The following ASCC3 variants were observed in gnomAD, a reference collection of about 807,000 sequenced individuals.
ASCC3 encodes the protein activating signal cointegrator 1 complex subunit 3.
Under a neutral mutation model 256.3 loss-of-function variants are expected in ASCC3, and 158 were observed. The observed-to-expected ratio is 0.62, with a 90% CI of 0.54 to 0.70. ASCC3 has a LOEUF of 0.70. Among genes scored for constraint, ASCC3 ranks in the 30% least tolerant of loss-of-function variants. ASCC3 has a pLI of 0.00. For missense variants in ASCC3, 2,259 were observed against 2,626.0 expected, an observed-to-expected ratio of 0.86 and a Z score of 3.05; for synonymous variants, 948 against 883.4, an observed-to-expected ratio of 1.07 and a Z score of -1.30.
At position 100,857,881 on chromosome 6, in the gene ASCC3, T is replaced by TACACACACACGCACACATAC. The variant is rs1554247646; in HGVS notation, c.241+6182_241+6183insGTATGTGTGCGTGTGTGTGT. 254 of 149,066 alleles carry TACACACACACGCACACATAC rather than the reference T, an allele frequency of 1.7e-3. 1 individual carries two copies. The highest frequency in any genetic ancestry group is 6.0e-3 in the African/African-American group (244 of 40,674). 9.2% of individuals were successfully genotyped at this position (149,066 alleles called of 1,614,324 possible). A position where few individuals can be genotyped will look rare whatever the true frequency, so the allele number is the denominator to read the frequency against. On this transcript the variant is annotated intron_variant, in intron 3 of 41. Coordinates refer to ENST00000369162, the MANE Select transcript of ASCC3 (RefSeq NM_006828.4). ...ATTTCCACACACACACATGCACACATACACACACACACACACACACACCCT... is the reference window on the plus strand; with the variant it reads ...ATTTCCACACACACACATGCACACATACACACACACGCACACATACACACACACACACACACACACACCCT...
rs1387509283 is a variant in ASCC3 at position 100,848,316 on chromosome 6, T to C, written c.633A>G (p.Glu211=). 6.2e-7 allele frequency: 1 copy of C among 1,613,980 alleles called. No individual in the cohort carries two copies. The highest frequency in any genetic ancestry group is 8.5e-7 in the Non-Finnish European group (1 of 1,180,018). The change falls in exon 4 of 42, where the codon GAA becomes GAG. Residue 211 remains glutamate, a synonymous_variant. Coordinates refer to ENST00000369162, the MANE Select transcript of ASCC3 (RefSeq NM_006828.4). ...CATTTGTTTTTTCCACAGGCTTGAG[T>C]TCTGGGGTGCAAGCCTCCTGGAGAT... The part of the protein sequence containing the change: ...NEHLQEACTP[E]LKPVEKTNGS...
chr6:100,590,082 ATTAT>A (rs1258650685), intron 34 of ASCC3, 23 bp from the exon 35 acceptor site: 11 of 1,533,844 alleles, frequency 7.2e-6, no homozygotes, highest in Non-Finnish European at 9.9e-6. Flanking sequence ...CAAGGTTATT[ATTAT>A]TTGTTTCAAG....
At chr6:100,846,139 A>G (rs996456446) in intron 4 of ASCC3, among the ~76,000 whole-genome samples, 2 of 75,936 alleles carry the variant, frequency 2.6e-5, no homozygotes, top group Non-Finnish European at 5.8e-5. Context: ...GACAACACAT[A>G]AGGTATAGCA....
At chr6:100,736,920 G>A (rs1780197866) in intron 10 of ASCC3, among the ~76,000 whole-genome samples, 1 of 152,208 alleles carries the variant, frequency 6.6e-6, no homozygotes. Flanking sequence ...GGCTGAGGCA[G>A]GCAGACTGCT....
chr6:100,828,872 C>T (rs1771470584), intron 4 of ASCC3, among the ~76,000 whole-genome samples: 1 of 152,076 alleles, frequency 6.6e-6, no homozygotes, highest in Non-Finnish European at 1.5e-5. Context: ...CTAGCTCCAG[C>T]AGCCTGCTTT....
intron 8 of ASCC3, among the ~76,000 whole-genome samples, chr6:100,772,147 C>T (rs1296243495): frequency 3.9e-5 from 6 of 152,102 alleles, no homozygotes; most frequent in Admixed American, 3.3e-4. Flanking sequence ...TCCCAAAGTG[C>T]TGGGATTACA....
intron 3 of ASCC3, among the ~76,000 whole-genome samples, chr6:100,853,853 T>C (rs1460995378): frequency 6.6e-6 from 1 of 152,200 alleles, no homozygotes; most frequent in African/African-American, 2.4e-5. Flanking sequence ...ATCTGGCAAG[T>C]ATGATGATGT....
At chr6:100,757,050 A>G (rs2115106715) in intron 10 of ASCC3, among the ~76,000 whole-genome samples, 1 of 152,310 alleles carries the variant, frequency 6.6e-6, no homozygotes, top group South Asian at 2.1e-4. Context: ...CATACTTCTA[A>G]TAAAAACCCA....
At position 100,509,850 on chromosome 6, in the gene ASCC3, T is replaced by G. The variant is rs1773670490; in HGVS notation, c.6461+82A>C. 16 of 1,392,528 alleles carry G rather than the reference T, an allele frequency of 1.1e-5. No homozygotes were observed. In the South Asian group the frequency reaches 1.9e-4, roughly 17 times the overall value. 86.3% of individuals were successfully genotyped at this position (1,392,528 alleles called of 1,614,324 possible). Reference sequence around the variant, plus strand: ...TTGCAGTGAGCAGAGATCGCGCCACTGCACTCCAGCCTGGGCGACAGAGCG... The same window carrying G: ...TTGCAGTGAGCAGAGATCGCGCCACGGCACTCCAGCCTGGGCGACAGAGCG... On this transcript the variant is annotated intron_variant, in intron 41 of 41. Transcript: ENST00000369162.
In ASCC3 at chr6:100,614,731, A is replaced by G. The variant is rs141385688; in HGVS notation, c.4786-7643T>C. On this transcript the variant is annotated intron_variant, in intron 30 of 41. Transcript: ENST00000369162. ...TTAATCAGGCTTAAGGGTGAGCCCC[A>G]GTGTTTTAGACTACATGCAGAAAAC... 1.2e-3 allele frequency among the ~76,000 whole-genome samples: 176 copies of G among 152,320 alleles called. 2 individuals are homozygous for G. Among genetic ancestry groups the G allele is most frequent in the African/African-American group, 4.0e-3 (166 of 41,580 alleles).
intron 10 of ASCC3, among the ~76,000 whole-genome samples, chr6:100,749,357 A>T (rs1303013880): frequency 1.3e-5 from 2 of 151,958 alleles, no homozygotes; most frequent in African/African-American, 4.8e-5. Flanking sequence ...TATACAATCA[A>T]CTTTCATTTT....
At chr6:100,723,810 G>T (rs928985093) in intron 11 of ASCC3, among the ~76,000 whole-genome samples, 9 of 145,540 alleles carry the variant, frequency 6.2e-5, no homozygotes, top group Non-Finnish European at 1.1e-4. Flanking sequence ...TGGGATATCA[G>T]AGTAGAAATA....
chr6:100,852,599 T>C (rs913844812), intron 3 of ASCC3, among the ~76,000 whole-genome samples: 7 of 152,238 alleles, frequency 4.6e-5, no homozygotes, highest in Non-Finnish European at 7.3e-5. Flanking sequence ...GTCTGCTTCA[T>C]ATCACTCACT....
intron 13 of ASCC3, among the ~76,000 whole-genome samples, chr6:100,708,974 G>C (rs1002873369): frequency 4.4e-4 from 66 of 151,284 alleles, no homozygotes; most frequent in Admixed American, 4.3e-3. Context: ...AACTTCACTG[G>C]TATGACATCA....
In ASCC3 at chr6:100,533,214, A is replaced by C. The variant is rs180977577; in HGVS notation, c.5775+6949T>G. On this transcript the variant is annotated intron_variant, in intron 37 of 41. Coordinates refer to ENST00000369162, the MANE Select transcript of ASCC3 (RefSeq NM_006828.4). ...ATATATTTTTCTTTTTAAATGCAAA[A>C]CCTTTTCAACAGAATAGTGTTTGTC... 8.7e-3 allele frequency among the ~76,000 whole-genome samples: 1,325 copies of C among 152,114 alleles called. 13 individuals carry two copies. Among genetic ancestry groups the C allele is most frequent in the Non-Finnish European group, 0.013 (875 of 67,978 alleles).
At chr6:100,840,183 C>T (rs148242040) in intron 4 of ASCC3, among the ~76,000 whole-genome samples, 138 of 152,208 alleles carry the variant, frequency 9.1e-4, no homozygotes, top group African/African-American at 2.7e-3. Context: ...CAGATATATA[C>T]CCACAAATTA....
At chr6:100,850,895 A>T (rs964097230) in intron 3 of ASCC3, among the ~76,000 whole-genome samples, 3 of 152,182 alleles carry the variant, frequency 2.0e-5, no homozygotes, top group African/African-American at 7.2e-5. Context: ...TTCTACAGAT[A>T]ATTTAAAGGG....
intron 8 of ASCC3, among the ~76,000 whole-genome samples, chr6:100,773,395 AC>A (rs1782033854): frequency 6.6e-6 from 1 of 152,296 alleles, no homozygotes; most frequent in African/African-American, 2.4e-5. Flanking sequence ...TGATCATGTC[AC>A]ATTCCAGCTT....
At chr6:100,858,177 A>G (rs1773050264) in intron 3 of ASCC3, 1 of 449,598 alleles carries the variant, frequency 2.2e-6, no homozygotes, top group Admixed American at 6.4e-5. Context: ...CGTTACATAA[A>G]GATAAGTGTA....
Sources: gnomAD v4.1 joint callset for allele counts (sites outside exome capture counted in the v4.1 genomes callset) on GRCh38, gnomAD v4.1.1 for gene constraint, MANE v1.5 for transcripts, NCBI Gene and HGNC (gene_info 2026-07-23, HGNC 2026-07-21) for gene names.